SBF2: variants seen among roughly 807,000 people sequenced by gnomAD.
The protein encoded by SBF2 is myotubularin-related protein 13.
A neutral mutation model predicts 225.2 loss-of-function variants in SBF2; 112 were observed. The observed-to-expected ratio is 0.50, with a 90% CI of 0.43 to 0.58. The LOEUF is 0.58. Among genes scored for constraint, SBF2 ranks in the 20% least tolerant of loss-of-function variants. The pLI is 0.00. For synonymous variants in SBF2, 763 were observed against 773.3 expected, an observed-to-expected ratio of 0.99 and a Z score of 0.22; for missense variants, 1,996 against 2,206.2, an observed-to-expected ratio of 0.90 and a Z score of 1.91.
intron 1 of SBF2, among the ~76,000 whole-genome samples, chr11:10,202,704 C>T (rs1401139733): frequency 6.6e-6 from 1 of 152,152 alleles, no homozygotes; most frequent in Non-Finnish European, 1.5e-5. Flanking sequence ...AGGAGAATGG[C>T]GTGAACCCGG....
At chr11:9,799,081 T>A (rs1853324575) in intron 32 of SBF2, among the ~76,000 whole-genome samples, 1 of 152,214 alleles carries the variant, frequency 6.6e-6, no homozygotes. Context: ...TCTTGATGAT[T>A]CTGACATTTA....
At chr11:10,242,674 AAG>A (rs888182046) in intron 1 of SBF2, among the ~76,000 whole-genome samples, 25 of 152,296 alleles carry the variant, frequency 1.6e-4, no homozygotes, top group African/African-American at 6.0e-4. Flanking sequence ...TGGTAGCCAA[AAG>A]AGAGCAAGGG....
intron 2 of SBF2, among the ~76,000 whole-genome samples, chr11:10,111,681 G>C (rs941557746): frequency 6.6e-6 from 1 of 152,154 alleles, no homozygotes; most frequent in Non-Finnish European, 1.5e-5. Flanking sequence ...TTCAAGACCA[G>C]CCTGGCCAAC....
At chr11:9,915,317 C>T (rs553514928) in intron 16 of SBF2, among the ~76,000 whole-genome samples, 3 of 151,860 alleles carry the variant, frequency 2.0e-5, no homozygotes, top group East Asian at 1.9e-4. Flanking sequence ...CGTGGTGGCA[C>T]GTGCCTGTAG....
chr11:10,100,024 G>A (rs1268601157), intron 2 of SBF2, among the ~76,000 whole-genome samples: 3 of 152,100 alleles, frequency 2.0e-5, no homozygotes, highest in South Asian at 4.1e-4. Flanking sequence ...AATTGCAAAT[G>A]AAACTAAGTT....
chr11:10,194,940 T>C (rs560786694), intron 1 of SBF2, among the ~76,000 whole-genome samples: 2 of 152,332 alleles, frequency 1.3e-5, no homozygotes, highest in South Asian at 2.1e-4. Context: ...TAATCCCAAA[T>C]TGAAATTTAA....
At chr11:9,998,664 G>T (rs1947814011) in intron 8 of SBF2, among the ~76,000 whole-genome samples, 1 of 152,196 alleles carries the variant, frequency 6.6e-6, no homozygotes, top group Admixed American at 6.5e-5. Flanking sequence ...GCTCTCCTAT[G>T]CTGTCTTTCC....
At chr11:9,781,881 A>G (rs1852031195) in intron 38 of SBF2, among the ~76,000 whole-genome samples, 1 of 152,216 alleles carries the variant, frequency 6.6e-6, no homozygotes, top group African/African-American at 2.4e-5. Flanking sequence ...AATGTATTAC[A>G]TCTTAAAAAA....
At chr11:10,256,003 C>A (rs924812551) in intron 1 of SBF2, among the ~76,000 whole-genome samples, 5 of 152,162 alleles carry the variant, frequency 3.3e-5, no homozygotes, top group Admixed American at 3.3e-4. Flanking sequence ...AATTATTGTG[C>A]TTTACTTACA....
chr11:9,972,816 A>G (rs77073384), intron 13 of SBF2, among the ~76,000 whole-genome samples: 382 of 152,356 alleles, frequency 2.5e-3, no homozygotes, highest in African/African-American at 8.6e-3. Flanking sequence ...TCCCAGAAGC[A>G]ATTAGAAATA....
chr11:9,867,587 T>C lies in SBF2; in HGVS notation c.1930-9191A>G, dbSNP rs80320878. 2.9e-3 allele frequency among the ~76,000 whole-genome samples: 443 copies of C among 152,184 alleles called. 1 individual carries two copies. Among genetic ancestry groups the C allele is most frequent in the Non-Finnish European group, 4.7e-3 (321 of 67,990 alleles). ...AGAGATTACATTTATTATAGCGCTA[T>C]TCACAATGGCCACGATATGGAATAA... On this transcript the variant is annotated intron_variant, in intron 17 of 39. Transcript: ENST00000256190.
At chr11:10,027,137 T>C (rs1949083824) in intron 6 of SBF2, among the ~76,000 whole-genome samples, 1 of 152,200 alleles carries the variant, frequency 6.6e-6, no homozygotes, top group Non-Finnish European at 1.5e-5. Context: ...AAGTATACAA[T>C]ACATTGTTAT....
chr11:10,124,270 CTAACAT>C (rs899581511), intron 2 of SBF2, among the ~76,000 whole-genome samples: 2 of 152,152 alleles, frequency 1.3e-5, no homozygotes, highest in African/African-American at 2.4e-5. Flanking sequence ...CCACAGTACA[CTAACAT>C]TAAGAAAATT....
intron 17 of SBF2, among the ~76,000 whole-genome samples, chr11:9,878,306 T>C (rs1352059783): frequency 1.3e-5 from 2 of 152,246 alleles, no homozygotes; most frequent in Non-Finnish European, 2.9e-5. Flanking sequence ...CTTTGTCAGA[T>C]GAGCAGATTG....
intron 16 of SBF2, among the ~76,000 whole-genome samples, chr11:9,952,245 TACACAAACAAACAAAC>T (rs1472441561): frequency 1.2e-5 from 1 of 83,130 alleles, no homozygotes; most frequent in Non-Finnish European, 2.4e-5. Flanking sequence ...TAAAAATAAA[TACACAAACAAACAAAC>T]AAACAAACAA....
intron 1 of SBF2, among the ~76,000 whole-genome samples, chr11:10,204,846 G>A (rs920283504): frequency 6.6e-6 from 1 of 152,024 alleles, no homozygotes; most frequent in Non-Finnish European, 1.5e-5. Flanking sequence ...AGGGCTTAAG[G>A]GGGTAAAGGG....
In SBF2 at chr11:10,146,979, A is replaced by G. The variant is rs1954917282; in HGVS notation, c.141+46923T>C. Among the ~76,000 whole-genome samples the G allele has an allele frequency of 2.0e-5, 3 of 152,178 alleles. No homozygotes were observed. In the South Asian group the frequency reaches 6.2e-4, roughly 32 times the overall value. On this transcript the variant is annotated intron_variant, in intron 2 of 39. Coordinates refer to ENST00000256190, the MANE Select transcript of SBF2 (RefSeq NM_030962.4). ...TGAAAAAAGCTCAATTTCACTAATCATTAGGGAAATGCAAACCAAAACCAC... is the reference window on the plus strand; with the variant it reads ...TGAAAAAAGCTCAATTTCACTAATCGTTAGGGAAATGCAAACCAAAACCAC...
intron 1 of SBF2, among the ~76,000 whole-genome samples, chr11:10,198,707 C>T (rs534856963): frequency 6.6e-6 from 1 of 152,198 alleles, no homozygotes; most frequent in Non-Finnish European, 1.5e-5. Context: ...TGTGGCTGCC[C>T]TCATCATCTT....
At chr11:9,990,039 T>A (rs1040235297) in intron 12 of SBF2, among the ~76,000 whole-genome samples, 1 of 152,176 alleles carries the variant, frequency 6.6e-6, no homozygotes, top group East Asian at 1.9e-4. Flanking sequence ...AGTTTTCTCA[T>A]CTCTAAAATA....
Sources: gnomAD v4.1 joint callset for allele counts (sites outside exome capture counted in the v4.1 genomes callset) on GRCh38, gnomAD v4.1.1 for gene constraint, MANE v1.5 for transcripts, NCBI Gene and HGNC (gene_info 2026-07-23, HGNC 2026-07-21) for gene names.